Variants in PROX1 observed in about 807,000 individuals in gnomAD.
PROX1 encodes prospero homeobox 1, also known as prospero homeobox protein 1.
Under a neutral mutation model 58.8 loss-of-function variants are expected in PROX1, and 7 were observed. The observed-to-expected ratio is 0.12, with a 90% CI of 0.07 to 0.22. The LOEUF (loss-of-function observed/expected upper bound fraction) is 0.22, where lower values mean the gene tolerates loss of function less well. PROX1 is among the 10% of genes least tolerant of loss of function. The probability of loss-of-function intolerance (pLI) is 1.00; values close to 1 mark genes in which losing one functional copy is unlikely to be tolerated. For synonymous variants in PROX1, 350 were observed against 358.3 expected (o/e 0.98, Z 0.26); for missense variants, 675 against 927.8 (o/e 0.73, Z 3.54).
chr1:214,035,811 C>T lies in PROX1; in HGVS notation c.2191C>T (p.Leu731=). The change falls in exon 5 of 5, where the codon CTA becomes TTA. Residue 731 remains leucine (L), a synonymous_variant. Transcript: ENST00000366958. ...VPEIFKSPNC[L]QELLHE is the part of the protein sequence containing the mutation. ...TGAGATTTTCAAATCCCCGAACTGC[C>T]TACAAGAGCTGCTTCATGAGTAGAA... The T allele has an allele frequency of 6.2e-7, 1 of 1,612,188 alleles. No homozygotes were observed. The highest frequency in any genetic ancestry group is 8.5e-7 in the Non-Finnish European group (1 of 1,179,296).
At chr1:214,001,541 G>A (rs544936827) in intron 2 of PROX1, among the ~76,000 whole-genome samples, 5 of 152,254 alleles carry the variant, frequency 3.3e-5, no homozygotes, top group East Asian at 1.9e-4. Context: ...CCGTTAAGAC[G>A]TGCAGGTGAA....
intron 4 of PROX1, chr1:214,029,709 A>T (rs1664580560): frequency 6.6e-6 from 1 of 152,166 alleles, no homozygotes; most frequent in Non-Finnish European, 1.5e-5. Context: ...TCCCTGAAAC[A>T]ATTGCTTGAA....
upstream of PROX1, chr1:213,984,167 T>C (rs1662769285): frequency 6.6e-6 from 1 of 152,256 alleles, no homozygotes; most frequent in Non-Finnish European, 1.5e-5. Context: ...CAAGTAGTAG[T>C]GTGTCCCTTC....
Position 214,004,761 on chromosome 1 carries a change from A to G in PROX1, c.1726-404A>G, listed in dbSNP as rs551101680. Among the ~76,000 whole-genome samples the G allele has an allele frequency of 9.6e-4, 146 of 152,170 alleles. 6 individuals carry two copies. The South Asian group carries it at 0.03, about 31-fold the overall frequency. ...TTAAACTGCAGAGTGTGGAGAGAAG[A>G]ACAAACAGAACTGTAATTGCAAGGA... On this transcript the variant is annotated intron_variant, in intron 2 of 4. Transcript: ENST00000366958.
At chr1:214,028,154 C>T (rs1453290113) in intron 4 of PROX1, among the ~76,000 whole-genome samples, 1 of 152,074 alleles carries the variant, frequency 6.6e-6, no homozygotes, top group Non-Finnish European at 1.5e-5. Flanking sequence ...TGCTGGAGAA[C>T]CTTCCTCTGC....
chr1:214,013,268 A>G (rs1663980045), intron 4 of PROX1, among the ~76,000 whole-genome samples: 2 of 152,128 alleles, frequency 1.3e-5, no homozygotes, highest in Non-Finnish European at 2.9e-5. Context: ...GGCTCACTAT[A>G]ATGACAGAGC....
At position 213,996,814 on chromosome 1, in the gene PROX1, T is replaced by C. The variant is rs1345978656; in HGVS notation, c.279T>C (p.Ile93=). The C allele has an allele frequency of 6.2e-7, 1 of 1,614,056 alleles. No individual in the cohort carries two copies. The highest frequency in any genetic ancestry group is 1.1e-5 in the South Asian group (1 of 91,060). Residue 93 remains isoleucine (I), a synonymous_variant, in exon 2 of 5, where the codon ATT becomes ATC. Coordinates refer to ENST00000366958, the MANE Select transcript of PROX1 (RefSeq NM_001270616.2). The part of the protein sequence containing the change: ...AMMPFPGATI[I]SQLLKNNMNK... ...TGCCTTTTCCAGGAGCAACCATAATTTCCCAGCTGTTGAAAAATAACATGA... is the reference window on the plus strand; with the variant it reads ...TGCCTTTTCCAGGAGCAACCATAATCTCCCAGCTGTTGAAAAATAACATGA...
intron 1 of PROX1, among the ~76,000 whole-genome samples, chr1:213,992,501 G>A (rs956317672): frequency 7.9e-5 from 12 of 152,070 alleles, no homozygotes; most frequent in African/African-American, 2.9e-4. Context: ...CTAATTTCCA[G>A]ATTGATTTGA....
Position 213,997,067 on chromosome 1 carries a change from C to T in PROX1, c.532C>T (p.His178Tyr). Reference protein sequence around the residue: ...RVENIIRGMSHSPSVALRGNE... With the variant: ...RVENIIRGMSYSPSVALRGNE... ...TGAGAATATAATTCGGGGTATGAGC[C>T]ATTCCCCCAGTGTGGCATTAAGGGG... Residue 178 changes from histidine to tyrosine, a missense_variant, in exon 2 of 5, where the codon CAT becomes TAT. By Grantham distance (83) the His-to-Tyr change is moderately conservative (BLOSUM62 2). Around this residue, in one of 8 missense-constraint regions of PROX1, gnomAD observed 403 missense variants for 477.4 expected, o/e 0.84. Coordinates refer to ENST00000366958, the MANE Select transcript of PROX1 (RefSeq NM_001270616.2). The surrounding 1 kb of genome is among the most constrained non-coding windows in gnomAD (Gnocchi z 7.1). 6.2e-7 allele frequency: 1 copy of T among 1,614,020 alleles called. No homozygotes were observed. The highest frequency in any genetic ancestry group is 8.5e-7 in the Non-Finnish European group (1 of 1,179,994).
chr1:214,008,592 G>A (rs957813332), intron 3 of PROX1, among the ~76,000 whole-genome samples: 2 of 152,176 alleles, frequency 1.3e-5, no homozygotes, highest in African/African-American at 4.8e-5. Context: ...CCACTCCTTT[G>A]TATTTCTCCT....
At chr1:213,993,745 A>C (rs1663121253) in intron 1 of PROX1, among the ~76,000 whole-genome samples, 1 of 152,210 alleles carries the variant, frequency 6.6e-6, no homozygotes, top group Non-Finnish European at 1.5e-5. Context: ...GTGCCTATTA[A>C]TATAATGCCT....
In PROX1 at chr1:214,009,233, C is replaced by T. The variant is rs542784191; in HGVS notation, c.1834-2288C>T. ...GAAGTTTCTTCAGCCCATATTGAGG[C>T]TGAGATGTCCCGTGGGAAGCATTAA... is the stretch of plus-strand genomic sequence containing the variant. On this transcript the variant is annotated intron_variant, in intron 3 of 4. Coordinates refer to ENST00000366958, the MANE Select transcript of PROX1 (RefSeq NM_001270616.2). Among the ~76,000 whole-genome samples, 6 of 152,290 alleles carry T rather than the reference C, an allele frequency of 3.9e-5. No homozygotes were observed. In the South Asian group the frequency reaches 1.2e-3, roughly 32 times the overall value.
At chr1:214,005,099 TGGAG>T in intron 2 of PROX1, 62 bp from the exon 3 acceptor site, 13 of 1,290,382 alleles carry the variant, frequency 1.0e-5, no homozygotes, top group South Asian at 1.2e-5. Context: ...AGGTGGGGAC[TGGAG>T]GGAGGGAGGT....
chr1:214,008,720 T>C (rs1663805857), intron 3 of PROX1, among the ~76,000 whole-genome samples: 2 of 152,306 alleles, frequency 1.3e-5, no homozygotes, highest in South Asian at 2.1e-4. Context: ...TTCAGAGATG[T>C]TGGCATGGCG....
intron 4 of PROX1, among the ~76,000 whole-genome samples, chr1:214,020,289 A>G (rs1437143267): frequency 6.6e-6 from 1 of 152,076 alleles, no homozygotes; most frequent in Non-Finnish European, 1.5e-5. Flanking sequence ...AATTTTCTGA[A>G]AGCACTTTGA....
chr1:214,018,614 A>G (rs1664175295), intron 4 of PROX1, among the ~76,000 whole-genome samples: 1 of 152,232 alleles, frequency 6.6e-6, no homozygotes, highest in South Asian at 2.1e-4. Flanking sequence ...AGAAAAACAA[A>G]TATAATCGTT....
chr1:214,005,640 T>C (rs1429309187), intron 3 of PROX1, among the ~76,000 whole-genome samples: 1 of 152,246 alleles, frequency 6.6e-6, no homozygotes, highest in East Asian at 1.9e-4. Context: ...TTTGTTTCTG[T>C]TGGTTTCCCC....
chr1:214,014,973 G>A (rs986844809), intron 4 of PROX1, among the ~76,000 whole-genome samples: 9 of 152,310 alleles, frequency 5.9e-5, no homozygotes, highest in Non-Finnish European at 8.8e-5. Flanking sequence ...CAGCAGCGAA[G>A]AGGGAGTGGC....
intron 4 of PROX1, among the ~76,000 whole-genome samples, chr1:214,022,633 T>G (rs1664320958): frequency 6.6e-6 from 1 of 152,146 alleles, no homozygotes. Flanking sequence ...GATGAGATGC[T>G]GGGGGTGGTG....
Sources: gnomAD v4.1 joint callset for allele counts (sites outside exome capture counted in the v4.1 genomes callset) on GRCh38, gnomAD v4.1.1 for gene constraint, gnomAD v4.1.1 regional missense constraint, Gnocchi (gnomAD v3.1) non-coding constraint, MANE v1.5 for transcripts, NCBI Gene and HGNC (gene_info 2026-07-23, HGNC 2026-07-21) for gene names.